DMBT1: variants seen among roughly 807,000 people sequenced by gnomAD.
DMBT1 encodes scavenger receptor cysteine-rich domain-containing protein DMBT1.
Under a neutral mutation model 252.9 loss-of-function variants are expected in DMBT1, and 198 were observed. The ratio of observed to expected loss-of-function variants is 0.78; its 90% CI spans 0.70 to 0.88. The LOEUF (loss-of-function observed/expected upper bound fraction) is 0.88. DMBT1 is among the 40% of genes least tolerant of loss of function. The pLI, the probability that DMBT1 is intolerant of heterozygous loss-of-function variation, is 0.00. For synonymous variants in DMBT1, 990 were observed against 942.7 expected, an observed-to-expected ratio of 1.05 and a Z score of -0.92; for missense variants, 2,432 against 2,404.7, an observed-to-expected ratio of 1.01 and a Z score of -0.24.
chr10:122,629,010 C>A (rs1433080168), intron 46 of DMBT1, among the ~76,000 whole-genome samples: 2 of 152,148 alleles, frequency 1.3e-5, no homozygotes, highest in African/African-American at 4.8e-5. Flanking sequence ...TAATTTCTAT[C>A]ACTGAGTGTG....
chr10:122,591,386 A>G (rs1436584226), intron 18 of DMBT1, 93 bp from the exon 19 acceptor site: 2 of 1,366,484 alleles, frequency 1.5e-6, no homozygotes, highest in African/African-American at 1.4e-5. Flanking sequence ...ATGGAAGAAT[A>G]TTCATGATGC....
Position 122,580,039 on chromosome 10 carries a change from A to T in DMBT1, c.1003+138A>T. The T allele has an allele frequency of 2.0e-6, 3 of 1,481,798 alleles. No individual in the cohort carries two copies. In the South Asian group the frequency reaches 4.1e-5, roughly 20 times the overall value. 91.8% of individuals were successfully genotyped at this position (1,481,798 alleles called of 1,614,324 possible). ...GAAGACTTGTCAGCTCTCTGCTAAG[A>T]ATCCATATGTACTCACTGCCTAGTG... On this transcript the variant is annotated intron_variant, in intron 10 of 55. Transcript: ENST00000338354.
At chr10:122,566,047 T>C in intron 2 of DMBT1, 51 bp downstream of exon 2, 1 of 1,595,012 alleles carries the variant, frequency 6.3e-7, no homozygotes, top group African/African-American at 1.3e-5. Flanking sequence ...CCAGTTCTCC[T>C]CTGCTACTGT....
At chr10:122,580,190 G>A (rs1457825856) in intron 10 of DMBT1, among the ~76,000 whole-genome samples, 1 of 152,302 alleles carries the variant, frequency 6.6e-6, no homozygotes, top group South Asian at 2.1e-4. Context: ...TTTCTCCCCT[G>A]CTGAGTAGCA....
rs1279621971 is a variant in DMBT1 at position 122,592,059 on chromosome 10, T to A, written c.2177-213T>A. 5.4e-5 allele frequency among the ~76,000 whole-genome samples: 8 copies of A among 148,560 alleles called. 1 individual carries two copies. In the South Asian group the frequency reaches 1.6e-3, roughly 29 times the overall value. The stretch of plus-strand genomic sequence containing the variant: ...CACCTCCACTGGGGTCACAGGCGCT[T>A]TCCCAAAATCTGAGCCTCCATAAAC... On this transcript the variant is annotated intron_variant, in intron 19 of 55. Coordinates refer to ENST00000338354, the MANE Select transcript of DMBT1 (RefSeq NM_001377530.1).
At position 122,621,309 on chromosome 10, in the gene DMBT1, G is replaced by T; in HGVS notation, c.5537G>T (p.Trp1846Leu). The change falls in exon 44 of 56, where the codon TGG becomes TTG. Residue 1846 changes from tryptophan (W) to leucine (L), a missense_variant. Trp to Leu is a moderately conservative substitution (Grantham distance 61). Around this residue, in one of 3 missense-constraint regions of DMBT1, gnomAD observed 1,162 missense variants for 1,169.0 expected, o/e 0.99. Coordinates refer to ENST00000338354, the MANE Select transcript of DMBT1 (RefSeq NM_001377530.1). ...TGCTCAGGGAATGAGTCCTACCTGT[G>T]GAGCTGCCCCCACAAAGGCTGGCTC... ...VRCSGNESYL[W>L]SCPHKGWLTH... 1.2e-6 allele frequency: 2 copies of T among 1,613,808 alleles called. No homozygotes were observed. The highest frequency in any genetic ancestry group is 3.3e-5 in the Admixed American group (2 of 60,022).
intron 40 of DMBT1, 138 bp downstream of exon 40, chr10:122,617,398 C>T (rs1032813920): frequency 2.1e-5 from 23 of 1,104,718 alleles, no homozygotes; most frequent in Non-Finnish European, 2.8e-5. Flanking sequence ...GGTGGAGTTT[C>T]TAGGGAGTCA....
intron 17 of DMBT1, among the ~76,000 whole-genome samples, chr10:122,589,945 A>G (rs2097833756): frequency 6.7e-6 from 1 of 148,540 alleles, no homozygotes; most frequent in Admixed American, 6.7e-5. Context: ...TGGGACAAAC[A>G]TCCAATCTAT....
intron 55 of DMBT1, among the ~76,000 whole-genome samples, chr10:122,641,339 T>C (rs1183964913): frequency 6.6e-6 from 1 of 152,206 alleles, no homozygotes; most frequent in East Asian, 1.9e-4. Context: ...CTTCTTGGCT[T>C]ACAATATAGA....
At chr10:122,618,510 G>A (rs1057201568) in intron 41 of DMBT1, among the ~76,000 whole-genome samples, 170 bp downstream of exon 41, 1 of 152,160 alleles carries the variant, frequency 6.6e-6, no homozygotes, top group Admixed American at 6.5e-5. Flanking sequence ...ACAGTACCTG[G>A]TGCAGCTGTG....
chr10:122,572,822 A>T (rs1472751174), intron 5 of DMBT1, among the ~76,000 whole-genome samples: 1 of 152,128 alleles, frequency 6.6e-6, no homozygotes, highest in Non-Finnish European at 1.5e-5. Context: ...AAATTTGAGG[A>T]GAGTGGGAGA....
chr10:122,597,872 G>A (rs55838439), intron 24 of DMBT1, 102 bp from the exon 25 acceptor site: 4 of 1,561,856 alleles, frequency 2.6e-6, no homozygotes, highest in East Asian at 2.2e-5. Context: ...GGAACCAGAA[G>A]TGGGGTAGTT....
chr10:122,637,422 C>G (rs2098235799), intron 54 of DMBT1, 110 bp downstream of exon 54: 2 of 1,241,990 alleles, frequency 1.6e-6, no homozygotes, highest in African/African-American at 3.0e-5. Flanking sequence ...TTGGGATAAT[C>G]AGGACATAAT....
chr10:122,567,612 T>A (rs2097608010), intron 2 of DMBT1, among the ~76,000 whole-genome samples: 1 of 152,178 alleles, frequency 6.6e-6, no homozygotes, highest in Non-Finnish European at 1.5e-5. Flanking sequence ...AGGATCTGGC[T>A]CCTACTGTCA....
In DMBT1 at chr10:122,570,903, C is replaced by T; in HGVS notation, c.153C>T (p.Pro51=). 2 of 1,613,488 alleles carry T rather than the reference C, an allele frequency of 1.2e-6. No homozygotes were observed. Among genetic ancestry groups the T allele is most frequent in the Non-Finnish European group, 1.7e-6 (2 of 1,179,424 alleles). The part of the protein sequence containing the change: ...DPTVAEGSPF[P]SESTLESTVA... ...TCCACCCTGCAGGTTCTCCATTTCC[C>T]TCGGAGTCGACCCTGGAGTCAACTG... is the stretch of plus-strand genomic sequence containing the variant. Residue 51 remains proline (P), a synonymous_variant, in exon 4 of 56, where the codon CCC becomes CCT. Transcript: ENST00000338354.
At chr10:122,578,356 C>A (rs565312134) in intron 8 of DMBT1, among the ~76,000 whole-genome samples, 239 of 152,292 alleles carry the variant, frequency 1.6e-3, no homozygotes, top group African/African-American at 5.3e-3. Flanking sequence ...AACCTGATTT[C>A]CCCCAGGGCG....
chr10:122,587,536 T>G lies in DMBT1; in HGVS notation c.1783+1153T>G, dbSNP rs1027994407. On this transcript the variant is annotated intron_variant, in intron 16 of 55. Transcript: ENST00000338354. ...TAGAAGATCACAGGCTGGATATTTT[T>G]TTTTTGCAGGAGTGGCCTCTTCATA... Among the ~76,000 whole-genome samples the G allele has an allele frequency of 1.3e-5, 2 of 148,352 alleles. 1 individual carries two copies. Among genetic ancestry groups the G allele is most frequent in the Non-Finnish European group, 3.0e-5 (2 of 66,670 alleles).
intron 11 of DMBT1, 35 bp downstream of exon 11, chr10:122,580,930 T>G: frequency 6.2e-7 from 1 of 1,612,624 alleles, no homozygotes; most frequent in Non-Finnish European, 8.5e-7. Flanking sequence ...AAATGTCCCT[T>G]CTCTTTCTGC....
intron 54 of DMBT1, among the ~76,000 whole-genome samples, chr10:122,638,915 A>C (rs574921235): frequency 9.8e-5 from 15 of 152,380 alleles, no homozygotes; most frequent in African/African-American, 3.4e-4. Flanking sequence ...AGTGTGCTAT[A>C]TAACTTTTAA....
Sources: allele counts gnomAD v4.1 joint callset (sites outside exome capture counted in the v4.1 genomes callset), GRCh38; gene constraint gnomAD v4.1.1; regional missense constraint gnomAD v4.1.1; transcripts MANE v1.5; gene names NCBI Gene and HGNC (gene_info 2026-07-23, HGNC 2026-07-21).